Variants in DACH2 observed in about 807,000 individuals in gnomAD.
DACH2 encodes dachshund family transcription factor 2, also known as dachshund homolog 2.
A neutral mutation model predicts 35.8 loss-of-function variants in DACH2; 17 were observed. The ratio of observed to expected loss-of-function variants is 0.48; its 90% confidence interval spans 0.33 to 0.71. The LOEUF (loss-of-function observed/expected upper bound fraction) is 0.71. Among genes scored for constraint, DACH2 ranks in the 30% least tolerant of loss-of-function variants. The probability of loss-of-function intolerance (pLI) is 0.02; values close to 1 mark genes in which losing one functional copy is unlikely to be tolerated. For synonymous variants in DACH2, 195 were observed against 177.3 expected (o/e 1.10, Z -0.79); for missense variants, 469 against 472.7 (o/e 0.99, Z 0.07).
chrX:86,375,890 A>T (rs1195442350), intron 1 of DACH2, among the ~76,000 whole-genome samples: 2 of 110,581 alleles, frequency 1.8e-5, no homozygotes, highest in Non-Finnish European at 3.8e-5. Context: ...TGGGCATTAT[A>T]GGAAGATTCC....
chrX:86,486,166 T>C (rs779593137), intron 2 of DACH2, among the ~76,000 whole-genome samples: 39 of 111,114 alleles, frequency 3.5e-4, no homozygotes, highest in Non-Finnish European at 6.2e-4. Flanking sequence ...GACAACTTAA[T>C]TGCCATTTTC....
At chrX:86,274,551 G>C (rs2033880391) in intron 1 of DACH2, among the ~76,000 whole-genome samples, 1 of 80,902 alleles carries the variant, frequency 1.2e-5, no homozygotes, top group Non-Finnish European at 2.2e-5. Context: ...CTGGAGAGCA[G>C]TGGCGTGATC....
At chrX:86,286,265 C>T (rs572149972) in intron 1 of DACH2, among the ~76,000 whole-genome samples, 1 of 105,231 alleles carries the variant, frequency 9.5e-6, no homozygotes, top group Non-Finnish European at 2.0e-5. Flanking sequence ...GTAGCTGGGA[C>T]TACAGGCGCC....
intron 2 of DACH2, among the ~76,000 whole-genome samples, chrX:86,429,964 T>C: frequency 8.9e-6 from 1 of 112,131 alleles, no homozygotes; most frequent in Non-Finnish European, 1.9e-5. Context: ...GAGTGGAAAA[T>C]GTGAATTTTC....
intron 2 of DACH2, among the ~76,000 whole-genome samples, chrX:86,449,843 T>G (rs1465097160): frequency 8.9e-6 from 1 of 111,825 alleles, no homozygotes; most frequent in East Asian, 2.8e-4. Context: ...GCATATATTT[T>G]AACAAATTAT....
At chrX:86,616,377 A>C (rs1247758695) in intron 3 of DACH2, among the ~76,000 whole-genome samples, 3 of 111,859 alleles carry the variant, frequency 2.7e-5, no homozygotes, top group African/African-American at 9.7e-5. Flanking sequence ...TAACTACTTC[A>C]CACTCCCATC....
chrX:86,407,157 A>G (rs1172815975), intron 2 of DACH2, among the ~76,000 whole-genome samples: 1 of 112,001 alleles, frequency 8.9e-6, no homozygotes, highest in Non-Finnish European at 1.9e-5. Context: ...TTGAGAACCT[A>G]TTATAATTTC....
chrX:86,306,325 T>C (rs1017019986), intron 1 of DACH2, among the ~76,000 whole-genome samples: 2 of 112,112 alleles, frequency 1.8e-5, no homozygotes, highest in African/African-American at 6.5e-5. Context: ...GACGTTATGT[T>C]AGGTAAAATG....
At chrX:86,570,358 C>T (rs1253139096) in intron 3 of DACH2, among the ~76,000 whole-genome samples, 3 of 111,453 alleles carry the variant, frequency 2.7e-5, no homozygotes, top group Non-Finnish European at 5.7e-5. Flanking sequence ...TAATGATAGA[C>T]TAGATAAAGA....
intron 1 of DACH2, among the ~76,000 whole-genome samples, chrX:86,223,222 T>C (rs1191817989): frequency 8.9e-6 from 1 of 112,106 alleles, no homozygotes. Context: ...TCTGCATTAC[T>C]GCTACTTACC....
At chrX:86,606,650 C>A (rs774873449) in intron 3 of DACH2, among the ~76,000 whole-genome samples, 4 of 111,145 alleles carry the variant, frequency 3.6e-5, no homozygotes, top group South Asian at 7.6e-4. Flanking sequence ...ATGTGCTGAG[C>A]AAAAGAATGT....
chrX:86,535,552 T>C (rs2038785917), intron 3 of DACH2, among the ~76,000 whole-genome samples: 1 of 110,989 alleles, frequency 9.0e-6, no homozygotes, highest in Non-Finnish European at 1.9e-5. Context: ...AACAGAGATC[T>C]TAAGACTGAC....
intron 1 of DACH2, among the ~76,000 whole-genome samples, chrX:86,363,345 A>C (rs2035763862): frequency 9.0e-6 from 1 of 111,143 alleles, no homozygotes; most frequent in Admixed American, 9.7e-5. Flanking sequence ...GTTTCAAATA[A>C]ATTGCAAAGA....
At chrX:86,405,381 A>G (rs2036510281) in intron 2 of DACH2, among the ~76,000 whole-genome samples, 1 of 111,545 alleles carries the variant, frequency 9.0e-6, no homozygotes, top group African/African-American at 3.3e-5. Flanking sequence ...TCAAAGTTCT[A>G]CAGATCTTTG....
intron 3 of DACH2, among the ~76,000 whole-genome samples, chrX:86,607,079 A>G (rs2039868659): frequency 9.0e-6 from 1 of 111,573 alleles, no homozygotes; most frequent in African/African-American, 3.3e-5. Context: ...GTGTGTCTTT[A>G]TAGATGAATT....
chrX:86,602,637 G>A (rs899244377), intron 3 of DACH2, among the ~76,000 whole-genome samples: 1 of 111,743 alleles, frequency 8.9e-6, no homozygotes, highest in East Asian at 2.8e-4. Flanking sequence ...GCTTTTGTGC[G>A]TTCCTTCTTT....
At chrX:86,308,457 G>C (rs2034734064) in intron 1 of DACH2, among the ~76,000 whole-genome samples, 1 of 112,207 alleles carries the variant, frequency 8.9e-6, no homozygotes, top group Admixed American at 9.5e-5. Flanking sequence ...AAGTGAAATT[G>C]ATGGGAAGCT....
At chrX:86,700,213 C>T (rs1489703658) in intron 5 of DACH2, among the ~76,000 whole-genome samples, 12 of 110,804 alleles carry the variant, frequency 1.1e-4, no homozygotes, top group African/African-American at 2.3e-4. Flanking sequence ...CATGTGCAGA[C>T]GGGAAGAATG....
intron 1 of DACH2, among the ~76,000 whole-genome samples, chrX:86,220,246 A>C (rs1272968096): frequency 1.8e-5 from 2 of 109,729 alleles, no homozygotes; most frequent in Non-Finnish European, 3.8e-5. Flanking sequence ...ACTTCACATG[A>C]TATCTGCCAT....
Sources: gnomAD v4.1 joint callset for allele counts (sites outside exome capture counted in the v4.1 genomes callset) on GRCh38, gnomAD v4.1.1 for gene constraint, MANE v1.5 for transcripts, NCBI Gene and HGNC (gene_info 2026-07-23, HGNC 2026-07-21) for gene names.